Variants in IER3IP1 observed in about 807,000 individuals in gnomAD.
IER3IP1 encodes the protein immediate early response 3-interacting protein 1.
In IER3IP1, 16 loss-of-function variants were observed where a neutral mutation model predicts 12.2. That is an observed-to-expected ratio of 1.31 (90% CI 0.89 to 1.99). The LOEUF (loss-of-function observed/expected upper bound fraction) is 1.99, where lower values mean the gene tolerates loss of function less well. Among genes scored for constraint, IER3IP1 ranks in the 30% most tolerant of loss-of-function variants. IER3IP1 has a pLI of 0.00. For synonymous variants in IER3IP1, 42 were observed against 40.0 expected (o/e 1.05, Z -0.19); for missense variants, 95 against 95.8 (o/e 0.99, Z 0.03).
Position 47,176,277 on chromosome 18 carries a change from T to TGGCCGTCCGA in IER3IP1, c.-10_-1dup, listed in dbSNP as rs1445665006. 1 of 1,606,592 alleles carries TGGCCGTCCGA rather than the reference T, an allele frequency of 6.2e-7. No individual in the cohort carries two copies. The highest frequency in any genetic ancestry group is 8.5e-7 in the Non-Finnish European group (1 of 1,176,808). ...AGCAGTGAGTACAGGGTAAAGGCCATGGCCGTCCGAGGCCGCCCCGAAGTC... is the reference window on the plus strand; with the variant it reads ...AGCAGTGAGTACAGGGTAAAGGCCATGGCCGTCCGAGGCCGTCCGAGGCCGCCCCGAAGTC... On this transcript the variant is annotated 5_prime_UTR_variant, in exon 1 of 3. Transcript: ENST00000256433.
At chr18:47,168,361 CAA>C (rs1431033159) in intron 1 of IER3IP1, among the ~76,000 whole-genome samples, 2 of 148,772 alleles carry the variant, frequency 1.3e-5, no homozygotes, top group East Asian at 3.9e-4. Context: ...GTAGAATAAT[CAA>C]AGACTTGTTA....
chr18:47,171,803 T>C (rs2064016351), intron 1 of IER3IP1, among the ~76,000 whole-genome samples: 1 of 151,938 alleles, frequency 6.6e-6, no homozygotes, highest in African/African-American at 2.4e-5. Context: ...TTTTTGGTCT[T>C]TTTTTTTGAG....
chr18:47,174,175 T>C (rs1365516827), intron 1 of IER3IP1, among the ~76,000 whole-genome samples: 1 of 152,170 alleles, frequency 6.6e-6, no homozygotes, highest in East Asian at 1.9e-4. Flanking sequence ...GAAGATGACA[T>C]TTGAATCCTA....
intron 2 of IER3IP1, chr18:47,156,790 G>GTTTTTTTTTTTTTTTTTTTTTGTT (rs34039061): frequency 9.7e-6 from 1 of 102,914 alleles, no homozygotes; most frequent in Non-Finnish European, 1.9e-5. Context: ...TTCTTTTCTG[G>GTTTTTTTTTTTTTTTTTTTTTGTT]TTTTTTTTTT....
At position 47,176,185 on chromosome 18, in the gene IER3IP1, A is replaced by C. The variant is rs773870362; in HGVS notation, c.91+2T>G. 6.3e-7 allele frequency: 1 copy of C among 1,591,206 alleles called. No homozygotes were observed. Among genetic ancestry groups the C allele is most frequent in the Admixed American group, 1.7e-5 (1 of 57,324 alleles). ...CAGCCCGCGCCCCGCGGTCCCACTCACTGTTCTTGAGGAATCGCTCCTCGT... is the reference window on the plus strand; with the variant it reads ...CAGCCCGCGCCCCGCGGTCCCACTCCCTGTTCTTGAGGAATCGCTCCTCGT... On this transcript the variant is annotated splice_donor_variant, in intron 1 of 2. Coordinates refer to ENST00000256433, the MANE Select transcript of IER3IP1 (RefSeq NM_016097.5). LOFTEE classifies it high-confidence loss of function.
intron 1 of IER3IP1, among the ~76,000 whole-genome samples, chr18:47,169,432 T>C (rs2064007882): frequency 6.6e-6 from 1 of 152,110 alleles, no homozygotes; most frequent in Admixed American, 6.5e-5. Context: ...TACCTAGGAG[T>C]AGAATCACTG....
At chr18:47,174,617 C>T (rs1216656038) in intron 1 of IER3IP1, among the ~76,000 whole-genome samples, 2 of 150,956 alleles carry the variant, frequency 1.3e-5, no homozygotes, top group African/African-American at 4.9e-5. Flanking sequence ...TGCAGTGAAC[C>T]GAGATTGCGC....
At position 47,166,550 on chromosome 18, in the gene IER3IP1, G is replaced by A. The variant is rs73954246; in HGVS notation, c.92-9013C>T. On this transcript the variant is annotated intron_variant, in intron 1 of 2. Coordinates refer to ENST00000256433, the MANE Select transcript of IER3IP1 (RefSeq NM_016097.5). ...GGGAAGGATAAAAGAGGAGGGGGAGGAGGAAGGGGCACCTTATGGTAGGCT... is the reference window on the plus strand; with the variant it reads ...GGGAAGGATAAAAGAGGAGGGGGAGAAGGAAGGGGCACCTTATGGTAGGCT... Among the ~76,000 whole-genome samples the A allele has an allele frequency of 4.5e-3, 691 of 152,262 alleles. 5 individuals carry two copies. The highest frequency in any genetic ancestry group is 0.016 in the African/African-American group (661 of 41,538).
intron 1 of IER3IP1, among the ~76,000 whole-genome samples, chr18:47,171,984 G>A (rs1418304577): frequency 6.6e-6 from 1 of 152,068 alleles, no homozygotes; most frequent in Non-Finnish European, 1.5e-5. Context: ...GTTTCTCCAC[G>A]TTGGCCAGGC....
At position 47,168,301 on chromosome 18, in the gene IER3IP1, C is replaced by CA. The variant is rs35347851; in HGVS notation, c.91+7885dup. On this transcript the variant is annotated intron_variant, in intron 1 of 2. Coordinates refer to ENST00000256433, the MANE Select transcript of IER3IP1 (RefSeq NM_016097.5). Reference sequence around the variant, plus strand: ...TGGGCCACAGTGCAAGACTCCATCACAAAAAAAAAAAAAAAAAGACAAAAA... The same window carrying CA: ...TGGGCCACAGTGCAAGACTCCATCACAAAAAAAAAAAAAAAAAAGACAAAAA... Among the ~76,000 whole-genome samples the CA allele has an allele frequency of 1.1e-3, 121 of 107,110 alleles. 2 individuals are homozygous for CA. Among genetic ancestry groups the CA allele is most frequent in the East Asian group, 3.1e-3 (9 of 2,874 alleles). The allele number at this position is 107,110 out of a possible 152,430, so 70.3% of individuals were successfully genotyped here.
At chr18:47,165,440 C>T (rs1364885671) in intron 1 of IER3IP1, among the ~76,000 whole-genome samples, 1 of 151,714 alleles carries the variant, frequency 6.6e-6, no homozygotes, top group Non-Finnish European at 1.5e-5. Flanking sequence ...GTAATCTCAG[C>T]TACATGGGAG....
At position 47,176,313 on chromosome 18, in the gene IER3IP1, C is replaced by A. The variant is rs755100536; in HGVS notation, c.-36G>T. The A allele has an allele frequency of 1.9e-5, 29 of 1,550,602 alleles. No homozygotes were observed. The highest frequency in any genetic ancestry group is 2.7e-5 in the African/African-American group (2 of 73,680). The stretch of plus-strand genomic sequence containing the variant: ...GGCCGCCCCGAAGTCCAAGCGATTT[C>A]TCTCCCGCCGCCGCAAGGGACGTGG... On this transcript the variant is annotated 5_prime_UTR_variant, in exon 1 of 3. Coordinates refer to ENST00000256433, the MANE Select transcript of IER3IP1 (RefSeq NM_016097.5).
chr18:47,158,927 C>T (rs1599993639), intron 1 of IER3IP1, among the ~76,000 whole-genome samples: 1 of 152,058 alleles, frequency 6.6e-6, no homozygotes, highest in South Asian at 2.1e-4. Context: ...CATGCTACTG[C>T]ACTCCAGCCT....
intron 1 of IER3IP1, among the ~76,000 whole-genome samples, chr18:47,160,287 C>T (rs970928234): frequency 1.3e-5 from 2 of 152,136 alleles, no homozygotes; most frequent in African/African-American, 4.8e-5. Flanking sequence ...ATATAGAGAC[C>T]ACAAATTTGG....
At chr18:47,163,746 A>G (rs1674766412) in intron 1 of IER3IP1, among the ~76,000 whole-genome samples, 1 of 152,172 alleles carries the variant, frequency 6.6e-6, no homozygotes, top group African/African-American at 2.4e-5. Context: ...TCATACACAT[A>G]TTACTTTGAT....
intron 1 of IER3IP1, among the ~76,000 whole-genome samples, chr18:47,169,973 T>G (rs1220065748): frequency 6.6e-6 from 1 of 152,182 alleles, no homozygotes; most frequent in Admixed American, 6.5e-5. Flanking sequence ...CACTTGTGCT[T>G]CTGGTATCGT....
rs2064000197 is a variant in IER3IP1, at chr18:47,167,611, A to C, written c.91+8576T>G. ...TTCTGAGATGCTACAGACATCATAC[A>C]AATCTATGCTTTCCTAAATTAGCTG... On this transcript the variant is annotated intron_variant, in intron 1 of 2. Transcript: ENST00000256433. Among the ~76,000 whole-genome samples the C allele has an allele frequency of 3.3e-5, 5 of 152,368 alleles. No homozygotes were observed. The South Asian group carries it at 8.3e-4, about 25-fold the overall frequency.
At chr18:47,159,871 T>C (rs2063974227) in intron 1 of IER3IP1, among the ~76,000 whole-genome samples, 1 of 152,152 alleles carries the variant, frequency 6.6e-6, no homozygotes, top group Non-Finnish European at 1.5e-5. Context: ...TATGGTTTGA[T>C]ATACATCAAC....
rs1206087656 is a variant in IER3IP1 at position 47,176,222 on chromosome 18, A to C, written c.56T>G (p.Ile19Ser). 1 of 1,608,062 alleles carries C rather than the reference A, an allele frequency of 6.2e-7. No individual in the cohort carries two copies. The highest frequency in any genetic ancestry group is 1.7e-5 in the Admixed American group (1 of 59,470). Residue 19 changes from isoleucine (I) to serine (S), a missense_variant, in exon 1 of 3, where the codon ATC (isoleucine) becomes AGC (serine). Transcript: ENST00000256433. ...LQAALLCVNA[I>S]AVLHEERFLK... ...GAATCGCTCCTCGTGCAGCACTGCG[A>C]TGGCGTTGACGCAGAGCAGGGCTGC...
Sources: allele counts gnomAD v4.1 joint callset (sites outside exome capture counted in the v4.1 genomes callset), GRCh38; gene constraint gnomAD v4.1.1; transcripts MANE v1.5; gene names NCBI Gene and HGNC (gene_info 2026-07-23, HGNC 2026-07-21).